The following PPFIA1 variants were observed in gnomAD, a reference collection of about 807,000 sequenced individuals.
The protein encoded by PPFIA1 is liprin-alpha-1.
In PPFIA1, 25 loss-of-function variants were observed where a neutral mutation model predicts 149.9. The observed-to-expected ratio is 0.17, with a 90% CI of 0.12 to 0.23. The LOEUF (loss-of-function observed/expected upper bound fraction) is 0.23. Among genes scored for constraint, PPFIA1 ranks in the 10% least tolerant of loss-of-function variants. The pLI is 1.00. For synonymous variants in PPFIA1, 549 were observed against 552.8 expected (o/e 0.99, Z 0.10); for missense variants, 1,362 against 1,506.5 (o/e 0.90, Z 1.59).
At chr11:70,344,932 G>A (rs1339747581) in intron 15 of PPFIA1, among the ~76,000 whole-genome samples, 6 of 152,136 alleles carry the variant, frequency 3.9e-5, no homozygotes, top group African/African-American at 1.2e-4. Flanking sequence ...GGACAGTCCC[G>A]GCTCAATCTG....
At chr11:70,321,109 A>C (rs2053912432) in intron 2 of PPFIA1, among the ~76,000 whole-genome samples, 1 of 152,172 alleles carries the variant, frequency 6.6e-6, no homozygotes, top group Non-Finnish European at 1.5e-5. Flanking sequence ...GGAGGGGATT[A>C]GGTCATGAGG....
intron 19 of PPFIA1, chr11:70,358,475 G>C (rs921032721): frequency 6.6e-6 from 1 of 151,900 alleles, no homozygotes; most frequent in Non-Finnish European, 1.5e-5. Context: ...TGTCCACCTC[G>C]GCCTCCCAAA....
intron 2 of PPFIA1, among the ~76,000 whole-genome samples, chr11:70,299,070 C>G (rs984975451): frequency 2.0e-5 from 3 of 152,094 alleles, no homozygotes; most frequent in African/African-American, 7.2e-5. Context: ...AAAACCCCGT[C>G]TCTACTAAAA....
chr11:70,317,616 G>T (rs2053711545), intron 2 of PPFIA1, among the ~76,000 whole-genome samples: 1 of 152,182 alleles, frequency 6.6e-6, no homozygotes, highest in Non-Finnish European at 1.5e-5. Flanking sequence ...ATAGTTTGGG[G>T]TTCTTAGGAA....
chr11:70,339,163 TGTTTC>T lies in PPFIA1; in HGVS notation c.1572-7_1572-3del. ...TAATAATGATCATTCTTATTTTTCA[TGTTTC>T]AGCCGACCCCACTTGGGCAGTGTCC... On this transcript the variant is annotated splice_region_variant and splice_polypyrimidine_tract_variant and intron_variant, in intron 13 of 27. Transcript: ENST00000253925. 1 of 1,612,976 alleles carries T rather than the reference TGTTTC, an allele frequency of 6.2e-7. No homozygotes were observed. The highest frequency in any genetic ancestry group is 1.1e-5 in the South Asian group (1 of 91,036).
At chr11:70,356,037 G>C (rs745546438) in intron 18 of PPFIA1, 124 bp from the exon 19 acceptor site, 122 of 1,039,500 alleles carry the variant, frequency 1.2e-4, no homozygotes, top group Non-Finnish European at 1.8e-4. Context: ...TGGTTGTCTA[G>C]TCAGAAACTT....
intron 2 of PPFIA1, chr11:70,319,866 A>G (rs1486277730): frequency 6.6e-6 from 1 of 152,212 alleles, no homozygotes; most frequent in Non-Finnish European, 1.5e-5. Context: ...GCTATACAGC[A>G]TGTTCAGAAT....
At position 70,343,838 on chromosome 11, in the gene PPFIA1, A is replaced by G. The variant is rs1236282143; in HGVS notation, c.1877A>G (p.His626Arg). The change falls in exon 15 of 28, where the codon CAC (histidine) becomes CGC (arginine). Residue 626 changes from histidine (H) to arginine (R), a missense_variant. Physicochemically the swap from His to Arg is conservative, Grantham distance 29. This residue lies in a region of PPFIA1 where 733 missense variants were observed against 744.1 expected (regional missense o/e 0.99). Coordinates refer to ENST00000253925, the MANE Select transcript of PPFIA1 (RefSeq NM_003626.5). Reference protein sequence around the residue: ...LLSPSGQADAHTLAMMLQEQL... With the variant: ...LLSPSGQADARTLAMMLQEQL... The stretch of plus-strand genomic sequence containing the variant: ...TCGCCCAGCGGGCAGGCCGACGCGC[A>G]CACACTAGCCATGATGCTTCAGGAG... 2.5e-6 allele frequency: 4 copies of G among 1,614,038 alleles called. No homozygotes were observed. The highest frequency in any genetic ancestry group is 1.3e-5 in the African/African-American group (1 of 74,938).
intron 15 of PPFIA1, among the ~76,000 whole-genome samples, chr11:70,345,711 C>T (rs1344248441): frequency 1.3e-5 from 2 of 152,088 alleles, no homozygotes; most frequent in African/African-American, 2.4e-5. Flanking sequence ...CCTGTCACAC[C>T]AGCTACTTGG....
intron 2 of PPFIA1, among the ~76,000 whole-genome samples, chr11:70,278,209 T>C (rs80033645): frequency 6.8e-6 from 1 of 146,474 alleles, no homozygotes; most frequent in Non-Finnish European, 1.5e-5. Context: ...ATGCCTGGCC[T>C]TTTTTTTTTT....
chr11:70,291,828 G>A (rs943505981), intron 2 of PPFIA1, among the ~76,000 whole-genome samples: 10 of 139,972 alleles, frequency 7.1e-5, no homozygotes, highest in African/African-American at 2.6e-4. Context: ...GTGTCACCAC[G>A]CCTGGCTAAT....
intron 2 of PPFIA1, among the ~76,000 whole-genome samples, chr11:70,287,766 G>C (rs1362223790): frequency 2.0e-5 from 3 of 151,828 alleles, no homozygotes; most frequent in Non-Finnish European, 4.4e-5. Context: ...ACTTCAGCCT[G>C]TTGAGCAGCT....
At chr11:70,284,062 A>G (rs746482153) in intron 2 of PPFIA1, 9 of 517,338 alleles carry the variant, frequency 1.7e-5, no homozygotes, top group African/African-American at 1.2e-4. Context: ...ATATGATGCA[A>G]AATTGGCTAC....
At position 70,279,905 on chromosome 11, in the gene PPFIA1, A is replaced by ATGTGTGTGTGTG. The variant is rs759392357; in HGVS notation, c.264+7471_264+7482dup. 2.4e-3 allele frequency among the ~76,000 whole-genome samples: 348 copies of ATGTGTGTGTGTG among 144,970 alleles called. 4 individuals are homozygous for ATGTGTGTGTGTG. Among genetic ancestry groups the ATGTGTGTGTGTG allele is most frequent in the African/African-American group, 7.7e-3 (290 of 37,676 alleles). On this transcript the variant is annotated intron_variant, in intron 2 of 27. Coordinates refer to ENST00000253925, the MANE Select transcript of PPFIA1 (RefSeq NM_003626.5). The stretch of plus-strand genomic sequence containing the variant: ...TGTCCGGCCTGTGTGTGTGTGGGGG[A>ATGTGTGTGTGTG]TGTGTGTGTGTGTATATTTTTGGGA...
Position 70,331,960 on chromosome 11 carries a change from A to C in PPFIA1, c.1078A>C (p.Thr360Pro). Residue 360 changes from threonine to proline, a missense_variant and splice_region_variant, in exon 9 of 28, where the codon ACT (threonine) becomes CCT (proline). By Grantham distance (38) the Thr-to-Pro change is conservative. Coordinates refer to ENST00000253925, the MANE Select transcript of PPFIA1 (RefSeq NM_003626.5). ...TTGATGCTTTGCTCTCATTTTATAG[A>C]CTGAAGATAAAAACCGCCAGTTACA... is the stretch of plus-strand genomic sequence containing the variant. ...IANKDSMHRQTEDKNRQLQER... is the reference protein window; with the variant it reads ...IANKDSMHRQPEDKNRQLQER... 1 of 1,607,154 alleles carries C rather than the reference A, an allele frequency of 6.2e-7. No individual in the cohort carries two copies. The highest frequency in any genetic ancestry group is 8.5e-7 in the Non-Finnish European group (1 of 1,177,990).
rs535497297 is a variant in PPFIA1 at position 70,362,605 on chromosome 11, A to T, written c.2865+117A>T. The T allele has an allele frequency of 1.3e-4, 146 of 1,092,224 alleles. No homozygotes were observed. The South Asian group carries it at 2.9e-3, about 22-fold the overall frequency. The allele number at this position is 1,092,224 out of a possible 1,614,324, so 67.7% of individuals were successfully genotyped here. A position where few individuals can be genotyped will look rare whatever the true frequency, so the allele number is the denominator to read the frequency against. On this transcript the variant is annotated intron_variant, in intron 21 of 27. Coordinates refer to ENST00000253925, the MANE Select transcript of PPFIA1 (RefSeq NM_003626.5). ...TTAACAGCATATGAAGTATAGTTCT[A>T]ATTCAAAATTTTAGCATCACATACA...
At chr11:70,354,588 T>A in intron 17 of PPFIA1, 136 bp downstream of exon 17, 1 of 990,870 alleles carries the variant, frequency 1.0e-6, no homozygotes, top group Non-Finnish European at 1.4e-6. Flanking sequence ...TGTATTTACA[T>A]GTTACACTTA....
intron 2 of PPFIA1, 64 bp from the exon 3 acceptor site, chr11:70,324,338 T>C (rs1224727616): frequency 1.6e-6 from 2 of 1,281,164 alleles, no homozygotes; most frequent in Non-Finnish European, 2.2e-6. Flanking sequence ...CTGTGGAGCC[T>C]TGATGAAAGG....
In PPFIA1 at chr11:70,295,484, C is replaced by T. The variant is rs1242963965; in HGVS notation, c.264+23048C>T. On this transcript the variant is annotated intron_variant, in intron 2 of 27. Coordinates refer to ENST00000253925, the MANE Select transcript of PPFIA1 (RefSeq NM_003626.5). ...GCAGAGGCGCCCCTCACCTCCTGGA[C>T]GGGGCGGCTGGCCGGGTGGGGGGGC... Among the ~76,000 whole-genome samples the T allele has an allele frequency of 3.5e-4, 47 of 134,098 alleles. 1 individual carries two copies. Among genetic ancestry groups the T allele is most frequent in the African/African-American group, 1.1e-3 (38 of 35,424 alleles). The allele number at this position is 134,098 out of a possible 152,430, so 88.0% of individuals were successfully genotyped here. A position where few individuals can be genotyped will look rare whatever the true frequency, so the allele number is the denominator to read the frequency against.
Sources: allele counts gnomAD v4.1 joint callset (sites outside exome capture counted in the v4.1 genomes callset), GRCh38; gene constraint gnomAD v4.1.1; regional missense constraint gnomAD v4.1.1; transcripts MANE v1.5; gene names NCBI Gene and HGNC (gene_info 2026-07-23, HGNC 2026-07-21).